The following RORA variants were observed in gnomAD, a reference collection of about 807,000 sequenced individuals.
RORA encodes the protein RAR related orphan receptor A, also known as nuclear receptor ROR-alpha.
RORA carries 7 observed loss-of-function variants against 69.5 expected under a neutral mutation model. The ratio of observed to expected loss-of-function variants is 0.10; its 90% CI spans 0.06 to 0.19. The LOEUF (loss-of-function observed/expected upper bound fraction) is 0.19. Ranked by LOEUF, RORA falls within the 10% of genes least tolerant of loss-of-function variation. RORA has a pLI of 1.00. For synonymous variants in RORA, 261 were observed against 240.8 expected (o/e 1.08, Z -0.78); for missense variants, 457 against 663.0 (o/e 0.69, Z 3.41).
intron 1 of RORA, among the ~76,000 whole-genome samples, chr15:60,857,146 A>T (rs1258258314): frequency 6.6e-6 from 1 of 152,118 alleles, no homozygotes; most frequent in Non-Finnish European, 1.5e-5. Context: ...CAGCCAGAAA[A>T]ATAATGAGAG....
intron 1 of RORA, among the ~76,000 whole-genome samples, chr15:60,709,876 C>T (rs1448839607): frequency 1.3e-5 from 2 of 152,166 alleles, no homozygotes; most frequent in Non-Finnish European, 2.9e-5. Flanking sequence ...GAAAAATTGT[C>T]TTCCATGAAA....
chr15:60,519,439 T>C (rs1022569400), intron 3 of RORA, among the ~76,000 whole-genome samples: 2 of 152,226 alleles, frequency 1.3e-5, no homozygotes, highest in African/African-American at 2.4e-5. Flanking sequence ...AGCCAGGATA[T>C]GACTTCACAT....
At chr15:60,693,125 G>T (rs976654053) in intron 1 of RORA, among the ~76,000 whole-genome samples, 2 of 152,148 alleles carry the variant, frequency 1.3e-5, no homozygotes, top group Non-Finnish European at 2.9e-5. Flanking sequence ...CTTCATCCCC[G>T]GGATGCAAGG....
chr15:60,686,047 C>G (rs35698268), intron 1 of RORA, among the ~76,000 whole-genome samples: 32,642 of 151,936 alleles, frequency 0.21, 3,798 homozygotes, highest in Middle Eastern at 0.28. Flanking sequence ...AGGAATTTTT[C>G]CTGTTTTTTG....
At chr15:61,116,503 C>A (rs758290840) in intron 1 of RORA, among the ~76,000 whole-genome samples, 2 of 152,174 alleles carry the variant, frequency 1.3e-5, no homozygotes, top group Non-Finnish European at 2.9e-5. Context: ...CTGGACCAAG[C>A]GGCCATTCCT....
In RORA at chr15:61,112,644, T is replaced by C. The variant is rs73430874; in HGVS notation, c.166+116409A>G. ...CGATAATAATAGCAGCTAACATTTA[T>C]TGAACACTTACCGCAAGCCAGGCTC... On this transcript the variant is annotated intron_variant, in intron 1 of 10. Transcript: ENST00000335670. Among the ~76,000 whole-genome samples, 446 of 152,336 alleles carry C rather than the reference T, an allele frequency of 2.9e-3. 2 individuals are homozygous for C. Among genetic ancestry groups the C allele is most frequent in the African/African-American group, 1.0e-2 (414 of 41,560 alleles).
chr15:61,060,105 T>TAACA (rs1371430345), intron 1 of RORA, among the ~76,000 whole-genome samples: 1 of 152,020 alleles, frequency 6.6e-6, no homozygotes, highest in Non-Finnish European at 1.5e-5. Context: ...TGGAGGGGTT[T>TAACA]CCGTATTATT....
chr15:61,054,149 G>T (rs1020741503), intron 1 of RORA, among the ~76,000 whole-genome samples: 3 of 151,870 alleles, frequency 2.0e-5, no homozygotes, highest in South Asian at 2.1e-4. Context: ...GGATGATGAC[G>T]AATAAATGGA....
At chr15:60,724,447 A>T (rs1426150483) in intron 1 of RORA, among the ~76,000 whole-genome samples, 1 of 152,212 alleles carries the variant, frequency 6.6e-6, no homozygotes, top group Non-Finnish European at 1.5e-5. Flanking sequence ...ATTTGAACCC[A>T]TACACTTTGA....
intron 1 of RORA, among the ~76,000 whole-genome samples, chr15:61,041,634 C>T (rs1448193450): frequency 6.6e-6 from 1 of 152,198 alleles, no homozygotes; most frequent in African/African-American, 2.4e-5. Flanking sequence ...TCATAGCTCA[C>T]TGCAGCCTCG....
intron 2 of RORA, among the ~76,000 whole-genome samples, chr15:60,559,236 A>G (rs1243667165): frequency 6.6e-6 from 1 of 152,196 alleles, no homozygotes; most frequent in Non-Finnish European, 1.5e-5. Context: ...TAAGATTTAT[A>G]TGACATTTTG....
chr15:60,677,305 G>A (rs187212962), intron 2 of RORA: 45 of 424,944 alleles, frequency 1.1e-4, no homozygotes, highest in Admixed American at 8.8e-4. Flanking sequence ...ATTATGCACC[G>A]ACAACAGCAA....
At chr15:60,703,388 T>C (rs1010049770) in intron 1 of RORA, among the ~76,000 whole-genome samples, 4 of 152,164 alleles carry the variant, frequency 2.6e-5, no homozygotes, top group African/African-American at 9.7e-5. Flanking sequence ...GAAAATTGCA[T>C]CTGAAAGCCA....
At chr15:60,926,566 G>A (rs1595821307) in intron 1 of RORA, among the ~76,000 whole-genome samples, 1 of 152,228 alleles carries the variant, frequency 6.6e-6, no homozygotes, top group Non-Finnish European at 1.5e-5. Context: ...ATAATATGCT[G>A]CAAACTTTAA....
chr15:60,912,908 A>G (rs991522617), intron 1 of RORA, among the ~76,000 whole-genome samples: 2 of 152,220 alleles, frequency 1.3e-5, no homozygotes, highest in African/African-American at 4.8e-5. Context: ...TATATACCAC[A>G]AAATCCACAC....
intron 1 of RORA, among the ~76,000 whole-genome samples, chr15:60,891,224 C>T (rs532615315): frequency 3.3e-4 from 51 of 152,320 alleles, no homozygotes; most frequent in African/African-American, 1.1e-3. Context: ...AGGAAGCTAT[C>T]ATTATGTAAT....
chr15:60,866,450 A>C (rs2073487819), intron 1 of RORA, among the ~76,000 whole-genome samples: 1 of 152,248 alleles, frequency 6.6e-6, no homozygotes, highest in African/African-American at 2.4e-5. Context: ...AAGAGAATGA[A>C]GGCAAAATCA....
chr15:60,832,043 C>T (rs559377147), intron 1 of RORA, among the ~76,000 whole-genome samples: 4 of 152,252 alleles, frequency 2.6e-5, no homozygotes, highest in African/African-American at 7.2e-5. Context: ...ACTCTTCTCT[C>T]GACCAACAAA....
rs549816879 is a variant in RORA, at chr15:60,954,629, AG to A, written c.166+274423del. On this transcript the variant is annotated intron_variant, in intron 1 of 10. Transcript: ENST00000335670. ...TACTGGATTTAACAAAAGTGAAAGA[AG>A]CCTGTTGCCAAAAACTTCAAGGGCA... is the stretch of plus-strand genomic sequence containing the variant. 2.8e-3 allele frequency among the ~76,000 whole-genome samples: 425 copies of A among 152,282 alleles called. 3 individuals are homozygous for A. The highest frequency in any genetic ancestry group is 4.7e-3 in the Non-Finnish European group (323 of 68,022).
Sources: allele counts gnomAD v4.1 joint callset (sites outside exome capture counted in the v4.1 genomes callset), GRCh38; gene constraint gnomAD v4.1.1; transcripts MANE v1.5; gene names NCBI Gene and HGNC (gene_info 2026-07-23, HGNC 2026-07-21).